Variants in TMEM238L observed in about 807,000 individuals in gnomAD.
TMEM238L encodes transmembrane protein 238 like.
At chr17:10,801,052 T>G (rs977490743) in intron 1 of TMEM238L, among the ~76,000 whole-genome samples, 22 of 146,838 alleles carry the variant, frequency 1.5e-4, no homozygotes, top group African/African-American at 5.3e-4. Context: ...TCCTTTTTAC[T>G]GTTTTTTTTT....
intron 1 of TMEM238L, among the ~76,000 whole-genome samples, chr17:10,799,403 G>T (rs912924957): frequency 6.6e-6 from 1 of 152,112 alleles, no homozygotes; most frequent in African/African-American, 2.4e-5. Flanking sequence ...TCACTATGTT[G>T]GCCAGGCTGG....
At chr17:10,796,085 G>C (rs1033347402) in intron 1 of TMEM238L, 137 bp from the exon 2 acceptor site, 19 of 152,346 alleles carry the variant, frequency 1.2e-4, no homozygotes, top group Middle Eastern at 3.4e-3. Context: ...CCTCTCCATG[G>C]CACTGTTACC....
At chr17:10,799,946 T>C (rs1169033332) in intron 1 of TMEM238L, among the ~76,000 whole-genome samples, 2 of 151,770 alleles carry the variant, frequency 1.3e-5, no homozygotes, top group Admixed American at 6.6e-5. Context: ...TTTTTTTTTT[T>C]TTTGAGACGG....
In TMEM238L at chr17:10,803,855, TC is replaced by T. The variant is rs1904819308; in HGVS notation, c.108del (p.Ile37SerfsTer5). 1 of 399,620 alleles carries T rather than the reference TC, an allele frequency of 2.5e-6. No homozygotes were observed. The highest frequency in any genetic ancestry group is 4.4e-6 in the Non-Finnish European group (1 of 226,614). 24.8% of individuals were successfully genotyped at this position (399,620 alleles called of 1,614,324 possible). A position where few individuals can be genotyped will look rare whatever the true frequency, so the allele number is the denominator to read the frequency against. On this transcript the variant is annotated frameshift_variant, in exon 1 of 2. Coordinates refer to ENST00000581851, the Ensembl canonical transcript of TMEM238L. LOFTEE classifies it high-confidence loss of function. Reference sequence around the variant, plus strand: ...TCCCAGGAACTCAGGGGGGCCAAGATCCCCAGCAGCAAAAGGACCAGGCCGA... The same window carrying T: ...TCCCAGGAACTCAGGGGGGCCAAGATCCCAGCAGCAAAAGGACCAGGCCGA...
At chr17:10,802,487 C>T (rs551007265) in intron 1 of TMEM238L, 2 of 152,488 alleles carry the variant, frequency 1.3e-5, no homozygotes, top group South Asian at 4.1e-4. Flanking sequence ...GACTTCTCAT[C>T]TGTTTCTACA....
At chr17:10,803,978 G>A (rs755976170) in exon 1 of TMEM238L, 63 of 398,986 alleles carry the variant, frequency 1.6e-4, no homozygotes, top group South Asian at 2.5e-4. Flanking sequence ...CAGGAGGAGC[G>A]GGAGGAGCCC....
At chr17:10,799,485 A>G (rs145324444) in intron 1 of TMEM238L, among the ~76,000 whole-genome samples, 2 of 152,350 alleles carry the variant, frequency 1.3e-5, no homozygotes, top group Non-Finnish European at 2.9e-5. Flanking sequence ...GGCATGAGCT[A>G]TCATGCCCGG....
In TMEM238L at chr17:10,796,710, C is replaced by T. The variant is rs76552905; in HGVS notation, c.*119-762G>A. Among the ~76,000 whole-genome samples, 641 of 152,270 alleles carry T rather than the reference C, an allele frequency of 4.2e-3. 10 individuals are homozygous for T. In the East Asian group the frequency reaches 0.051, roughly 12 times the overall value. On this transcript the variant is annotated intron_variant, in intron 1 of 1. Transcript: ENST00000581851. ...CCCCTCACTCTTGATAATTGTCCTTCTTTGTCCTCTTTGCCATTGGCATAA... is the reference window on the plus strand; with the variant it reads ...CCCCTCACTCTTGATAATTGTCCTTTTTTGTCCTCTTTGCCATTGGCATAA...
At chr17:10,801,477 C>G (rs1402944985) in intron 1 of TMEM238L, among the ~76,000 whole-genome samples, 1 of 152,180 alleles carries the variant, frequency 6.6e-6, no homozygotes, top group African/African-American at 2.4e-5. Flanking sequence ...ATCTCCCTGT[C>G]GTCTTTTATT....
At chr17:10,798,645 G>A (rs1904633381) in intron 1 of TMEM238L, among the ~76,000 whole-genome samples, 1 of 151,968 alleles carries the variant, frequency 6.6e-6, no homozygotes, top group African/African-American at 2.4e-5. Flanking sequence ...GTGTTTGGTA[G>A]GTGTGAGTGT....
At chr17:10,802,052 G>C (rs1904762700) in intron 1 of TMEM238L, among the ~76,000 whole-genome samples, 1 of 152,106 alleles carries the variant, frequency 6.6e-6, no homozygotes, top group South Asian at 2.1e-4. Context: ...CAAAGTGCTG[G>C]GATTACAGGC....
intron 1 of TMEM238L, among the ~76,000 whole-genome samples, chr17:10,796,691 AC>A (rs950764023): frequency 7.3e-5 from 11 of 151,546 alleles, no homozygotes; most frequent in African/African-American, 2.2e-4. Flanking sequence ...AATTCCCCTC[AC>A]TCTTGATAAT....
intron 1 of TMEM238L, among the ~76,000 whole-genome samples, chr17:10,797,578 G>A (rs923677990): frequency 1.3e-5 from 2 of 152,006 alleles, no homozygotes; most frequent in Non-Finnish European, 2.9e-5. Context: ...GCTCGTATAC[G>A]ATTTGCATAT....
intron 1 of TMEM238L, among the ~76,000 whole-genome samples, chr17:10,801,511 C>T (rs1904746350): frequency 6.6e-6 from 1 of 152,156 alleles, no homozygotes; most frequent in Non-Finnish European, 1.5e-5. Flanking sequence ...GGACCTTTGC[C>T]CAAGCCATTG....
At chr17:10,803,733 C>T in exon 1 of TMEM238L, 1 of 399,562 alleles carries the variant, frequency 2.5e-6, no homozygotes. Context: ...ATTACAGGTC[C>T]AGTTTTTCAG....
At chr17:10,798,776 C>T (rs929442582) in intron 1 of TMEM238L, among the ~76,000 whole-genome samples, 63 of 151,332 alleles carry the variant, frequency 4.2e-4, no homozygotes, top group Non-Finnish European at 7.4e-4. Context: ...TGTGTGTGTA[C>T]GTGTGTGGGG....
chr17:10,803,920 C>T (rs1904821387), exon 1 of TMEM238L: 6 of 399,268 alleles, frequency 1.5e-5, no homozygotes, highest in Middle Eastern at 1.2e-3. Flanking sequence ...GAAGAGCGCA[C>T]AGCGCCCTGG....
At chr17:10,800,050 G>A (rs1211716356) in intron 1 of TMEM238L, among the ~76,000 whole-genome samples, 2 of 151,880 alleles carry the variant, frequency 1.3e-5, no homozygotes, top group Non-Finnish European at 2.9e-5. Context: ...TCCTGCCTCA[G>A]CCTCCCAAGT....
intron 1 of TMEM238L, among the ~76,000 whole-genome samples, chr17:10,803,228 C>A (rs959142313): frequency 7.9e-5 from 12 of 152,256 alleles, no homozygotes; most frequent in Non-Finnish European, 1.8e-4. Flanking sequence ...CTCTCCTGTG[C>A]TAAAGACTTT....
Sources: gnomAD v4.1 joint callset for allele counts (sites outside exome capture counted in the v4.1 genomes callset) on GRCh38, gnomAD v4.1.1 for gene constraint, MANE v1.5 for transcripts, NCBI Gene and HGNC (gene_info 2026-07-23, HGNC 2026-07-21) for gene names.